The following STK10 variants were observed in gnomAD, a reference collection of about 807,000 sequenced individuals.
The protein encoded by STK10 is serine/threonine-protein kinase 10.
A neutral mutation model predicts 113.8 loss-of-function variants in STK10; 78 were observed. The observed-to-expected ratio is 0.69, with a 90% CI of 0.57 to 0.83. The LOEUF (loss-of-function observed/expected upper bound fraction) is 0.83. Among genes scored for constraint, STK10 ranks in the 40% least tolerant of loss-of-function variants. The probability of loss-of-function intolerance (pLI) is 0.00; values close to 1 mark genes in which losing one functional copy is unlikely to be tolerated. For synonymous variants in STK10, 465 were observed against 494.7 expected, an observed-to-expected ratio of 0.94 and a Z score of 0.80; for missense variants, 1,109 against 1,280.1, an observed-to-expected ratio of 0.87 and a Z score of 2.04.
At chr5:172,183,196 G>C (rs1194357341) in intron 1 of STK10, among the ~76,000 whole-genome samples, 1 of 152,134 alleles carries the variant, frequency 6.6e-6, no homozygotes, top group African/African-American at 2.4e-5. Flanking sequence ...GACAGAGTAA[G>C]ACACTGTCTC....
At chr5:172,081,488 G>A (rs1165961919) in intron 12 of STK10, among the ~76,000 whole-genome samples, 11 of 151,958 alleles carry the variant, frequency 7.2e-5, no homozygotes, top group South Asian at 2.1e-4. Flanking sequence ...TGCAGTATTC[G>A]CTTTATTGCG....
rs1431927524 is a variant in STK10 at position 172,087,880 on chromosome 5, G to A, written c.1685+2352C>T. On this transcript the variant is annotated intron_variant, in intron 10 of 18. Transcript: ENST00000176763. ...CCTGACCTCATGATCCACCCGCCTC[G>A]GCCTCCCAAAGTGCTGGGATTACAG... 9.8e-5 allele frequency among the ~76,000 whole-genome samples: 14 copies of A among 142,256 alleles called. 2 individuals are homozygous for A. The highest frequency in any genetic ancestry group is 2.0e-4 in the East Asian group (1 of 5,026). The allele number at this position is 142,256 out of a possible 152,430, so 93.3% of individuals were successfully genotyped here. A position where few individuals can be genotyped will look rare whatever the true frequency, so the allele number is the denominator to read the frequency against.
At position 172,044,931 on chromosome 5, in the gene STK10, G is replaced by C. The variant is rs1370063414; in HGVS notation, c.2858C>G (p.Pro953Arg). Residue 953 changes from proline (P) to arginine (R), a missense_variant, in exon 19 of 19, where the codon CCA becomes CGA. This residue lies in a region of STK10 where 885 missense variants were observed against 991.1 expected (regional missense o/e 0.89). Coordinates refer to ENST00000176763, the MANE Select transcript of STK10 (RefSeq NM_005990.4). This position sits in a 1 kb window ranked among gnomAD's most constrained non-coding sequence, Gnocchi z 4.5. ...EEAECPNPSTPSKAAKFFPYS... is the reference protein window; with the variant it reads ...EEAECPNPSTRSKAAKFFPYS... The stretch of plus-strand genomic sequence containing the variant: ...GGGGAAGAACTTGGCGGCCTTGCTT[G>C]GGGTGGAGGGGTTTGGGCACTCCGC... 2.5e-6 allele frequency: 4 copies of C among 1,614,104 alleles called. No individual in the cohort carries two copies. The highest frequency in any genetic ancestry group is 8.5e-7 in the Non-Finnish European group (1 of 1,180,046).
Position 172,044,952 on chromosome 5 carries a change from TCCGCC to T in STK10, c.2832_2836del (p.Ala945ValfsTer45). ...GCTTGGGGTGGAGGGGTTTGGGCAC[TCCGCC>T]TCCTCGCTCAGCTTGAAGAACATCT... is the stretch of plus-strand genomic sequence containing the variant. On this transcript the variant is annotated frameshift_variant, in exon 19 of 19. Transcript: ENST00000176763. LOFTEE classifies it low-confidence loss of function (END_TRUNC). This position sits in a 1 kb window ranked among gnomAD's most constrained non-coding sequence, Gnocchi z 4.5. 1 of 1,614,158 alleles carries T rather than the reference TCCGCC, an allele frequency of 6.2e-7. No homozygotes were observed. Among genetic ancestry groups the T allele is most frequent in the Non-Finnish European group, 8.5e-7 (1 of 1,180,034 alleles).
intron 10 of STK10, among the ~76,000 whole-genome samples, chr5:172,083,925 GAAA>G (rs58326550): frequency 4.7e-4 from 40 of 85,782 alleles, no homozygotes; most frequent in African/African-American, 1.4e-3. Context: ...ACAAAAAAAA[GAAA>G]AAAAAAAAAA....
At position 172,096,552 on chromosome 5, in the gene STK10, G is replaced by T; in HGVS notation, c.879C>A (p.Phe293Leu). ...PSAAQLLEHP[F>L]VSSITSNKAL... ...CCTTGTTACTGGTGATGCTGCTGACGAAGGGATGCTGAGGGGGCAAGATGC... is the reference window on the plus strand; with the variant it reads ...CCTTGTTACTGGTGATGCTGCTGACTAAGGGATGCTGAGGGGGCAAGATGC... The change falls in exon 8 of 19, where the codon TTC becomes TTA. Residue 293 changes from phenylalanine to leucine, a missense_variant. Physicochemically the swap from Phe to Leu is conservative, Grantham distance 22. This residue lies in a region of STK10 where 885 missense variants were observed against 991.1 expected (regional missense o/e 0.89). Coordinates refer to ENST00000176763, the MANE Select transcript of STK10 (RefSeq NM_005990.4). 6.2e-7 allele frequency: 1 copy of T among 1,613,270 alleles called. No individual in the cohort carries two copies.
intron 18 of STK10, among the ~76,000 whole-genome samples, chr5:172,049,446 C>A (rs774164996): frequency 8.6e-5 from 13 of 151,998 alleles, no homozygotes; most frequent in Non-Finnish European, 1.6e-4. Context: ...ACAGGCTGGG[C>A]AAAAGCCCAG....
At chr5:172,090,122 C>T in intron 10 of STK10, 110 bp downstream of exon 10, 1 of 1,470,634 alleles carries the variant, frequency 6.8e-7, no homozygotes, top group Non-Finnish European at 9.1e-7. Flanking sequence ...CTCCTTGATT[C>T]CCCCACTTCA....
At chr5:172,057,238 C>A in intron 15 of STK10, 111 bp downstream of exon 15, 2 of 1,474,054 alleles carry the variant, frequency 1.4e-6, no homozygotes, top group Non-Finnish European at 1.8e-6. Context: ...CTCTTGGGGG[C>A]ACTTGTCATC....
In STK10 at chr5:172,071,341, CA is replaced by C. The variant is rs58271522; in HGVS notation, c.1990-6530del. On this transcript the variant is annotated intron_variant, in intron 12 of 18. Transcript: ENST00000176763. ...ACTAAAACTGAGGCAGGATAGGTAG[CA>C]AAAAAAAAAAAAAAAAAAAAATGAC... is the stretch of plus-strand genomic sequence containing the variant. Among the ~76,000 whole-genome samples the C allele has an allele frequency of 3.2e-3, 173 of 53,862 alleles. 1 individual carries two copies. Among genetic ancestry groups the C allele is most frequent in the African/African-American group, 7.2e-3 (93 of 13,004 alleles). The allele number at this position is 53,862 out of a possible 152,430, so 35.3% of individuals were successfully genotyped here.
intron 3 of STK10, 29 bp downstream of exon 3, chr5:172,127,341 CCCG>C: frequency 6.2e-7 from 1 of 1,613,288 alleles, no homozygotes; most frequent in Non-Finnish European, 8.5e-7. Context: ...GTCGTCTGGT[CCCG>C]ACAATGCACC....
intron 14 of STK10, among the ~76,000 whole-genome samples, chr5:172,058,384 T>C (rs73314282): frequency 0.012 from 1,794 of 152,324 alleles, 35 homozygotes; most frequent in African/African-American, 0.041. Context: ...TCAAGAACCC[T>C]GTTTTGCTGA....
chr5:172,171,128 T>G (rs1399729538), intron 1 of STK10, among the ~76,000 whole-genome samples: 1 of 152,178 alleles, frequency 6.6e-6, no homozygotes, highest in Non-Finnish European at 1.5e-5. Context: ...GTCCTTGTGG[T>G]GCTGAAGTAA....
intron 2 of STK10, among the ~76,000 whole-genome samples, chr5:172,132,455 G>A (rs929947500): frequency 6.6e-6 from 1 of 151,746 alleles, no homozygotes; most frequent in African/African-American, 2.4e-5. Context: ...TGGGGAATCC[G>A]TGCCCACCCG....
chr5:172,105,595 C>A lies in STK10; in HGVS notation c.870+61G>T. The A allele has an allele frequency of 1.9e-6, 3 of 1,562,500 alleles. No homozygotes were observed. The South Asian group carries it at 3.3e-5, about 17-fold the overall frequency. On this transcript the variant is annotated intron_variant, in intron 7 of 18. Coordinates refer to ENST00000176763, the MANE Select transcript of STK10 (RefSeq NM_005990.4). ...GTGAGAACATGCCCAGCGTCCAGGT[C>A]ACTGGTGAGTTCATTAGGCTCCACC...
At chr5:172,104,613 G>C (rs919277221) in intron 7 of STK10, among the ~76,000 whole-genome samples, 2 of 152,188 alleles carry the variant, frequency 1.3e-5, no homozygotes, top group African/African-American at 2.4e-5. Context: ...CCCAGGACCT[G>C]GCTCTGGCTT....
chr5:172,105,848 T>C, intron 6 of STK10, 111 bp from the exon 7 acceptor site: 1 of 920,572 alleles, frequency 1.1e-6, no homozygotes. Context: ...CAGAGGAAAC[T>C]TTCACAAGCT....
At position 172,120,086 on chromosome 5, in the gene STK10, C is replaced by T. The variant is rs532261300; in HGVS notation, c.371-2456G>A. Among the ~76,000 whole-genome samples, 88 of 152,138 alleles carry T rather than the reference C, an allele frequency of 5.8e-4. No individual in the cohort carries two copies. The highest frequency in any genetic ancestry group is 6.2e-4 in the Non-Finnish European group (42 of 68,004). On this transcript the variant is annotated intron_variant, in intron 3 of 18. Transcript: ENST00000176763. This position sits in a 1 kb window ranked among gnomAD's most constrained non-coding sequence, Gnocchi z 4.0. ...GGGGAGTGAGAAGATTCCAAGGTGA[C>T]AGCCTTGTGCTCTGCGTCCCACAGG... is the stretch of plus-strand genomic sequence containing the variant.
At chr5:172,173,793 C>G (rs1770704206) in intron 1 of STK10, among the ~76,000 whole-genome samples, 1 of 152,214 alleles carries the variant, frequency 6.6e-6, no homozygotes, top group Non-Finnish European at 1.5e-5. Flanking sequence ...GCTTAAGTCA[C>G]CCCACAGAAA....
Sources: gnomAD v4.1 joint callset for allele counts (sites outside exome capture counted in the v4.1 genomes callset) on GRCh38, gnomAD v4.1.1 for gene constraint, gnomAD v4.1.1 regional missense constraint, Gnocchi (gnomAD v3.1) non-coding constraint, MANE v1.5 for transcripts, NCBI Gene and HGNC (gene_info 2026-07-23, HGNC 2026-07-21) for gene names.